The following TMEM192 variants were observed in gnomAD, a reference collection of about 807,000 sequenced individuals.
TMEM192 encodes the protein transmembrane protein 192.
Under a neutral mutation model 26.7 loss-of-function variants are expected in TMEM192, and 20 were observed. That is an observed-to-expected ratio of 0.75 (90% confidence interval 0.53 to 1.09). TMEM192 has a LOEUF of 1.09. Ranked by LOEUF, TMEM192 falls within the 50% of genes least tolerant of loss-of-function variation. The pLI is 0.00. For missense variants in TMEM192, 304 were observed against 322.6 expected, an observed-to-expected ratio of 0.94 and a Z score of 0.44; for synonymous variants, 124 against 121.0, an observed-to-expected ratio of 1.02 and a Z score of -0.16.
At chr4:165,089,478 C>T (rs966161119) in intron 3 of TMEM192, among the ~76,000 whole-genome samples, 9 of 152,104 alleles carry the variant, frequency 5.9e-5, no homozygotes, top group Non-Finnish European at 1.0e-4. Context: ...CCCGCCACCA[C>T]GCCCGGCTAA....
intron 1 of TMEM192, among the ~76,000 whole-genome samples, chr4:165,108,799 C>G (rs1735230150): frequency 6.6e-6 from 1 of 152,180 alleles, no homozygotes; most frequent in Non-Finnish European, 1.5e-5. Context: ...GTAGCTCTCT[C>G]CTCTCTGGGT....
chr4:165,112,507 G>A (rs1452083586), intron 1 of TMEM192, among the ~76,000 whole-genome samples: 1 of 152,178 alleles, frequency 6.6e-6, no homozygotes, highest in Non-Finnish European at 1.5e-5. Context: ...CACCGCCCAG[G>A]AGCCCACCCC....
rs1205876620 is a variant in TMEM192 at position 165,079,839 on chromosome 4, A to G, written c.678-43T>C. 3.8e-6 allele frequency: 6 copies of G among 1,584,138 alleles called. No homozygotes were observed. The African/African-American group carries it at 8.1e-5, about 21-fold the overall frequency. On this transcript the variant is annotated intron_variant, in intron 5 of 5. Coordinates refer to ENST00000306480, the MANE Select transcript of TMEM192 (RefSeq NM_001100389.2). Reference sequence around the variant, plus strand: ...ATAAATGGGTTACACATATTCACCAATACTCATTAGTGTCTTTGCAAATGA... The same window carrying G: ...ATAAATGGGTTACACATATTCACCAGTACTCATTAGTGTCTTTGCAAATGA...
Position 165,103,013 on chromosome 4 carries a change from G to A in TMEM192, c.111C>T (p.His37=). The change falls in exon 2 of 6, where the codon CAC becomes CAT. Residue 37 remains histidine, a synonymous_variant. Transcript: ENST00000306480. ...GAAGAGGATGGAATCGGGGTCTAAA[G>A]TGAGCTTGTAATGAGTGGTGTGGGA... ...QLLPHHSLQA[H]FRPRFHPLPT... is the part of the protein sequence containing the mutation. The A allele has an allele frequency of 6.2e-7, 1 of 1,613,654 alleles. No homozygotes were observed. Among genetic ancestry groups the A allele is most frequent in the Non-Finnish European group, 8.5e-7 (1 of 1,179,840 alleles).
At chr4:165,091,558 A>C (rs1163101541) in intron 3 of TMEM192, among the ~76,000 whole-genome samples, 1 of 152,186 alleles carries the variant, frequency 6.6e-6, no homozygotes, top group African/African-American at 2.4e-5. Flanking sequence ...TTTTTCAGAC[A>C]ACATGTTAGA....
intron 3 of TMEM192, among the ~76,000 whole-genome samples, chr4:165,098,404 C>T (rs1482780759): frequency 1.3e-5 from 2 of 152,178 alleles, no homozygotes; most frequent in African/African-American, 4.8e-5. Context: ...GGATTATAGG[C>T]GTGAGCCACC....
chr4:165,102,062 T>C (rs1578911692), intron 2 of TMEM192, among the ~76,000 whole-genome samples: 1 of 152,318 alleles, frequency 6.6e-6, no homozygotes, highest in East Asian at 1.9e-4. Flanking sequence ...AGGGAGGAAC[T>C]GATTAAACAG....
intron 4 of TMEM192, among the ~76,000 whole-genome samples, chr4:165,087,541 G>A (rs1050367652): frequency 7.9e-5 from 12 of 152,168 alleles, no homozygotes; most frequent in African/African-American, 2.4e-4. Context: ...AGAAGAGGAC[G>A]GTTAGGATGG....
At chr4:165,092,050 C>T (rs1197994285) in intron 3 of TMEM192, among the ~76,000 whole-genome samples, 2 of 151,686 alleles carry the variant, frequency 1.3e-5, no homozygotes, top group African/African-American at 4.8e-5. Flanking sequence ...CTTCCATGTC[C>T]CCATCTAAAA....
intron 5 of TMEM192, among the ~76,000 whole-genome samples, chr4:165,080,110 T>C (rs570523966): frequency 1.1e-4 from 17 of 152,298 alleles, no homozygotes; most frequent in African/African-American, 3.1e-4. Flanking sequence ...TCAACTTAAA[T>C]GGCGTTTAAA....
At chr4:165,105,744 G>C (rs1259805469) in intron 1 of TMEM192, among the ~76,000 whole-genome samples, 2 of 152,170 alleles carry the variant, frequency 1.3e-5, no homozygotes, top group Admixed American at 6.5e-5. Context: ...ATCCTCCCAA[G>C]TGCACTCCCA....
intron 1 of TMEM192, among the ~76,000 whole-genome samples, chr4:165,110,746 A>T (rs1438741808): frequency 6.6e-6 from 1 of 152,250 alleles, no homozygotes; most frequent in Non-Finnish European, 1.5e-5. Flanking sequence ...GATTCATTCC[A>T]GGGTAGACCC....
At chr4:165,093,415 A>G (rs1246556116) in intron 3 of TMEM192, among the ~76,000 whole-genome samples, 1 of 152,016 alleles carries the variant, frequency 6.6e-6, no homozygotes, top group Non-Finnish European at 1.5e-5. Flanking sequence ...TACAACATTT[A>G]GGAAAGAAAT....
intron 3 of TMEM192, among the ~76,000 whole-genome samples, chr4:165,097,107 C>G (rs768825192): frequency 2.6e-5 from 4 of 152,154 alleles, no homozygotes; most frequent in Non-Finnish European, 5.9e-5. Flanking sequence ...GATCACCCAA[C>G]TCTATAAACT....
chr4:165,110,021 G>A (rs1202927831), intron 1 of TMEM192, among the ~76,000 whole-genome samples: 1 of 152,028 alleles, frequency 6.6e-6, no homozygotes, highest in Non-Finnish European at 1.5e-5. Context: ...AAGGAGTTGG[G>A]GACTATAATA....
In TMEM192 at chr4:165,074,501, C is replaced by T. The variant is rs4470585; in HGVS notation, c.*5157G>A. ...TCGCTCTGTCACCCAGGCTGGAGTG[C>T]AGTGGTGCGATCTCGGCTCACTGCA... On this transcript the variant is annotated 3_prime_UTR_variant, in exon 6 of 6. Coordinates refer to ENST00000306480, the MANE Select transcript of TMEM192 (RefSeq NM_001100389.2). 126,080 of 151,010 alleles carry T rather than the reference C, an allele frequency of 0.83. 53,843 individuals carry two copies. Among genetic ancestry groups the T allele is most frequent in the East Asian group, 0.95 (4,820 of 5,098 alleles). The allele number at this position is 151,010 out of a possible 1,614,324, so 9.4% of individuals were successfully genotyped here. A position where few individuals can be genotyped will look rare whatever the true frequency, so the allele number is the denominator to read the frequency against.
chr4:165,110,267 T>C (rs1735263118), intron 1 of TMEM192, among the ~76,000 whole-genome samples: 1 of 152,260 alleles, frequency 6.6e-6, no homozygotes, highest in South Asian at 2.1e-4. Flanking sequence ...TTCTCTCTTC[T>C]GTGACAATAA....
rs183778350 is a variant in TMEM192, at chr4:165,071,843, C to T, written c.*7815G>A. 6.6e-6 allele frequency: 1 copy of T among 152,366 alleles called. No homozygotes were observed. Among genetic ancestry groups the T allele is most frequent in the Admixed American group, 6.5e-5 (1 of 15,286 alleles). 9.4% of individuals were successfully genotyped at this position (152,366 alleles called of 1,614,324 possible). ...GCTTTTACTGAATGAAAAAGGGAAC[C>T]ATCAGAGTAGTGTTTTAGAAGGATA... is the stretch of plus-strand genomic sequence containing the variant. On this transcript the variant is annotated 3_prime_UTR_variant, in exon 6 of 6. Transcript: ENST00000306480.
At chr4:165,093,332 T>G (rs1734815032) in intron 3 of TMEM192, among the ~76,000 whole-genome samples, 1 of 151,920 alleles carries the variant, frequency 6.6e-6, no homozygotes, top group African/African-American at 2.4e-5. Context: ...CCTGACCTCG[T>G]GATTCACCCG....
Sources: gnomAD v4.1 joint callset for allele counts (sites outside exome capture counted in the v4.1 genomes callset) on GRCh38, gnomAD v4.1.1 for gene constraint, MANE v1.5 for transcripts, NCBI Gene and HGNC (gene_info 2026-07-23, HGNC 2026-07-21) for gene names.